The following ARHGAP26 variants were observed in gnomAD, a reference collection of about 807,000 sequenced individuals.
ARHGAP26 encodes Rho GTPase activating protein 26.
In ARHGAP26, 38 loss-of-function variants were observed where a neutral mutation model predicts 104.8. That is an observed-to-expected ratio of 0.36 (90% CI 0.28 to 0.48). The LOEUF is 0.48. Ranked by LOEUF, ARHGAP26 falls within the 20% of genes least tolerant of loss-of-function variation. The pLI is 0.99. For missense variants in ARHGAP26, 704 were observed against 947.9 expected (o/e 0.74, Z 3.38); for synonymous variants, 341 against 340.0 (o/e 1.00, Z -0.03).
At chr5:143,089,326 AGTACACCCAT>A (rs895303578) in intron 17 of ARHGAP26, among the ~76,000 whole-genome samples, 4 of 152,196 alleles carry the variant, frequency 2.6e-5, no homozygotes, top group African/African-American at 9.7e-5. Context: ...GACAAGAATA[AGTACACCCAT>A]TATGGCTGCG....
chr5:142,923,106 T>G (rs568198117), intron 10 of ARHGAP26, among the ~76,000 whole-genome samples: 1 of 151,728 alleles, frequency 6.6e-6, no homozygotes, highest in East Asian at 1.9e-4. Context: ...TTTCTTTTAA[T>G]TAAATGAGAG....
chr5:142,894,897 T>C (rs918075693), intron 6 of ARHGAP26, among the ~76,000 whole-genome samples: 8 of 152,160 alleles, frequency 5.3e-5, no homozygotes, highest in African/African-American at 1.9e-4. Context: ...CTCTGCTGAG[T>C]GGACCATGAT....
At chr5:143,071,973 GAA>G (rs1370047156) in intron 17 of ARHGAP26, among the ~76,000 whole-genome samples, 1 of 151,642 alleles carries the variant, frequency 6.6e-6, no homozygotes, top group African/African-American at 2.4e-5. Context: ...ACACAACAAA[GAA>G]AACAATAGAA....
intron 11 of ARHGAP26, among the ~76,000 whole-genome samples, chr5:142,980,352 C>CTTTATTTTATTTTAT (rs35267021): frequency 0.053 from 6,902 of 131,466 alleles, 250 homozygotes; most frequent in East Asian, 0.13. Flanking sequence ...CTCTAGGAAC[C>CTTTATTTTATTTTAT]TTTATTTTAT....
At chr5:143,195,158 G>A (rs2151280814) in intron 20 of ARHGAP26, among the ~76,000 whole-genome samples, 2 of 152,322 alleles carry the variant, frequency 1.3e-5, no homozygotes, top group African/African-American at 4.8e-5. Flanking sequence ...TGTCTCATCT[G>A]CCTTTCATGG....
At chr5:143,159,256 C>T (rs186144557) in intron 20 of ARHGAP26, among the ~76,000 whole-genome samples, 19 of 152,258 alleles carry the variant, frequency 1.2e-4, no homozygotes, top group Middle Eastern at 6.8e-3. Flanking sequence ...ACAGGAAGCC[C>T]GAGGTTGCAA....
intron 7 of ARHGAP26, among the ~76,000 whole-genome samples, chr5:142,902,913 C>G (rs1760568197): frequency 6.6e-6 from 1 of 152,164 alleles, no homozygotes; most frequent in African/African-American, 2.4e-5. Flanking sequence ...GTGAGGGCAC[C>G]TGGACTCGCA....
intron 1 of ARHGAP26, among the ~76,000 whole-genome samples, chr5:142,833,790 C>G (rs1450473098): frequency 6.6e-6 from 1 of 152,180 alleles, no homozygotes; most frequent in Non-Finnish European, 1.5e-5. Flanking sequence ...GAGAGGCATA[C>G]CCAGAAGTGT....
intron 11 of ARHGAP26, among the ~76,000 whole-genome samples, chr5:142,972,464 GT>G (rs1385472146): frequency 3.3e-5 from 5 of 151,518 alleles, no homozygotes; most frequent in Non-Finnish European, 7.4e-5. Flanking sequence ...GCCTTTTTTT[GT>G]TTTGTTTTTT....
chr5:142,920,972 C>A (rs1441475596), intron 10 of ARHGAP26, among the ~76,000 whole-genome samples: 2 of 152,144 alleles, frequency 1.3e-5, no homozygotes, highest in African/African-American at 4.8e-5. Flanking sequence ...TTTTATTGAG[C>A]ATTACTACAT....
Position 142,898,452 on chromosome 5 carries a change from TCC to T in ARHGAP26, c.598-3482_598-3481del, listed in dbSNP as rs1759797059. Reference sequence around the variant, plus strand: ...CATTAGGCCTGCATCCTCCGAGTTTTCCATCCTGAATATTTCTTGGTGCAGTG... The same window carrying T: ...CATTAGGCCTGCATCCTCCGAGTTTTATCCTGAATATTTCTTGGTGCAGTG... On this transcript the variant is annotated intron_variant, in intron 6 of 22. Transcript: ENST00000645722. Among the ~76,000 whole-genome samples, 4 of 152,306 alleles carry T rather than the reference TCC, an allele frequency of 2.6e-5. No homozygotes were observed. The East Asian group carries it at 7.7e-4, about 29-fold the overall frequency.
At chr5:142,905,071 C>T (rs77741826) in intron 8 of ARHGAP26, among the ~76,000 whole-genome samples, 2,260 of 152,226 alleles carry the variant, frequency 0.015, 65 homozygotes, top group African/African-American at 0.052. Flanking sequence ...GCTACTTCAG[C>T]TGTGTGTTTT....
intron 18 of ARHGAP26, among the ~76,000 whole-genome samples, chr5:143,127,259 T>C (rs1796828145): frequency 6.6e-6 from 1 of 152,134 alleles, no homozygotes; most frequent in Non-Finnish European, 1.5e-5. Flanking sequence ...GGATTGCACT[T>C]GTTCTGTAAC....
chr5:143,010,863 A>G (rs1778625172), intron 11 of ARHGAP26: 1 of 152,218 alleles, frequency 6.6e-6, no homozygotes, highest in African/African-American at 2.4e-5. Context: ...GTTCCCTTGG[A>G]TAGAATGTTT....
In ARHGAP26 at chr5:142,789,484, T is replaced by C. The variant is rs567481670; in HGVS notation, c.154+18569T>C. Among the ~76,000 whole-genome samples the C allele has an allele frequency of 7.2e-5, 11 of 152,276 alleles. No homozygotes were observed. In the East Asian group the frequency reaches 2.1e-3, roughly 29 times the overall value. ...GTTTGGGAGGCTGAGTTATCAAAAATCATTATAAAAGCAACAACATCACAT... is the reference window on the plus strand; with the variant it reads ...GTTTGGGAGGCTGAGTTATCAAAAACCATTATAAAAGCAACAACATCACAT... On this transcript the variant is annotated intron_variant, in intron 1 of 22. Coordinates refer to ENST00000645722, the MANE Select transcript of ARHGAP26 (RefSeq NM_001135608.3).
intron 17 of ARHGAP26, among the ~76,000 whole-genome samples, chr5:143,100,933 A>G (rs1174811606): frequency 6.6e-6 from 1 of 152,214 alleles, no homozygotes; most frequent in Non-Finnish European, 1.5e-5. Flanking sequence ...TCTACTAAAA[A>G]AATTGAAAAA....
At chr5:143,125,210 G>A (rs982522762) in intron 18 of ARHGAP26, among the ~76,000 whole-genome samples, 2 of 152,146 alleles carry the variant, frequency 1.3e-5, no homozygotes, top group Non-Finnish European at 2.9e-5. Context: ...ACTAGCTAAG[G>A]CATACAATCT....
intron 11 of ARHGAP26, among the ~76,000 whole-genome samples, chr5:142,933,672 A>G (rs1765033586): frequency 6.6e-6 from 1 of 152,132 alleles, no homozygotes; most frequent in Non-Finnish European, 1.5e-5. Context: ...TGCACATGTC[A>G]CTTCCATTGG....
chr5:143,102,503 T>G (rs1392958325), intron 17 of ARHGAP26, among the ~76,000 whole-genome samples: 1 of 152,246 alleles, frequency 6.6e-6, no homozygotes, highest in African/African-American at 2.4e-5. Flanking sequence ...TCATAAAGCT[T>G]GAGCAACAGT....
Sources: allele counts gnomAD v4.1 joint callset (sites outside exome capture counted in the v4.1 genomes callset), GRCh38; gene constraint gnomAD v4.1.1; transcripts MANE v1.5; gene names NCBI Gene and HGNC (gene_info 2026-07-23, HGNC 2026-07-21).